The following GAS2L3 variants were observed in gnomAD, a reference collection of about 807,000 sequenced individuals.
GAS2L3 encodes GAS2-like protein 3.
In GAS2L3, 28 loss-of-function variants were observed where a neutral mutation model predicts 37.0. The ratio of observed to expected loss-of-function variants is 0.76; its 90% confidence interval spans 0.56 to 1.04. GAS2L3 has a LOEUF of 1.04. GAS2L3 is among the 50% of genes least tolerant of loss of function. The probability of loss-of-function intolerance (pLI) is 0.00; values close to 1 mark genes in which losing one functional copy is unlikely to be tolerated. For synonymous variants in GAS2L3, 290 were observed against 296.6 expected (o/e 0.98, Z 0.23); for missense variants, 793 against 817.6 (o/e 0.97, Z 0.37).
intron 1 of GAS2L3, among the ~76,000 whole-genome samples, chr12:100,590,672 C>A (rs2136420466): frequency 1.3e-5 from 2 of 152,258 alleles, no homozygotes; most frequent in East Asian, 3.9e-4. Context: ...CCCAAATACC[C>A]ATGAATAAAT....
rs750082441 is a variant in GAS2L3, at chr12:100,594,945, A to G, written c.18+23A>G. On this transcript the variant is annotated intron_variant, in intron 3 of 9. Transcript: ENST00000547754. ...CAAGTAAGTTTTTTTCTTGGAAACA[A>G]TATTTAAATTATGAGATTAATATAA... The G allele has an allele frequency of 3.5e-6, 4 of 1,147,950 alleles. No individual in the cohort carries two copies. In the East Asian group the frequency reaches 8.2e-5, roughly 23 times the overall value. 71.1% of individuals were successfully genotyped at this position (1,147,950 alleles called of 1,614,324 possible).
At position 100,626,606 on chromosome 12, in the gene GAS2L3, C is replaced by G. The variant is rs1233875807; in HGVS notation, c.*1716C>G. 6.6e-6 allele frequency: 1 copy of G among 152,088 alleles called. No individual in the cohort carries two copies. The highest frequency in any genetic ancestry group is 2.4e-5 in the African/African-American group (1 of 41,410). 9.4% of individuals were successfully genotyped at this position (152,088 alleles called of 1,614,324 possible). A position where few individuals can be genotyped will look rare whatever the true frequency, so the allele number is the denominator to read the frequency against. On this transcript the variant is annotated 3_prime_UTR_variant, in exon 10 of 10. Coordinates refer to ENST00000547754, the MANE Select transcript of GAS2L3 (RefSeq NM_174942.3). Reference sequence around the variant, plus strand: ...TATCATCAAGTATTCCCTTATAAAACCAAGTAACACTTCTTTATCAGTAAC... The same window carrying G: ...TATCATCAAGTATTCCCTTATAAAAGCAAGTAACACTTCTTTATCAGTAAC...
rs566132587 is a variant in GAS2L3 at position 100,579,685 on chromosome 12, GCATGGCGAT to G, written c.-152+5906_-152+5914del. 526 of 777,858 alleles carry G rather than the reference GCATGGCGAT, an allele frequency of 6.8e-4. 3 individuals carry two copies. In the African/African-American group the frequency reaches 7.9e-3, roughly 12 times the overall value. The allele number at this position is 777,858 out of a possible 1,614,324, so 48.2% of individuals were successfully genotyped here. On this transcript the variant is annotated intron_variant, in intron 1 of 9. Coordinates refer to ENST00000547754, the MANE Select transcript of GAS2L3 (RefSeq NM_174942.3). ...AATACCTCCCTTACTGAAGCATTCT[GCATGGCGAT>G]CATGGAAGCAGCCAGCTGTGGTTTA...
At position 100,627,112 on chromosome 12, in the gene GAS2L3, A is replaced by G. The variant is rs1212213984; in HGVS notation, c.*2222A>G. On this transcript the variant is annotated 3_prime_UTR_variant, in exon 10 of 10. Coordinates refer to ENST00000547754, the MANE Select transcript of GAS2L3 (RefSeq NM_174942.3). Reference sequence around the variant, plus strand: ...TCAAAAAAAAAAAAAAAGAAAAAGAAAAGAAAAAGGTTTATTTGAATAATT... The same window carrying G: ...TCAAAAAAAAAAAAAAAGAAAAAGAGAAGAAAAAGGTTTATTTGAATAATT... Among the ~76,000 whole-genome samples, 1 of 151,900 alleles carries G rather than the reference A, an allele frequency of 6.6e-6. No individual in the cohort carries two copies. Among genetic ancestry groups the G allele is most frequent in the Non-Finnish European group, 1.5e-5 (1 of 67,956 alleles).
chr12:100,617,776 T>C lies in GAS2L3; in HGVS notation c.478T>C (p.Cys160Arg). The change falls in exon 7 of 10, where the codon TGT becomes CGT. Residue 160 changes from cysteine to arginine, a missense_variant. Physicochemically the swap from Cys to Arg is radical, Grantham distance 180. Transcript: ENST00000547754. ...CAAAGATCCAAGACAGGTGTATCTT[T>C]GTCTTCTTGAAATTGGTCGAATTGT... ...LHKDPRQVYL[C>R]LLEIGRIVSR... 6.2e-7 allele frequency: 1 copy of C among 1,608,700 alleles called. No individual in the cohort carries two copies. The highest frequency in any genetic ancestry group is 1.1e-5 in the South Asian group (1 of 90,772).
chr12:100,620,160 G>A (rs1319102756), intron 8 of GAS2L3, among the ~76,000 whole-genome samples: 1 of 151,918 alleles, frequency 6.6e-6, no homozygotes, highest in Non-Finnish European at 1.5e-5. Flanking sequence ...ATTACATTAG[G>A]ACTTAGAATG....
chr12:100,583,100 A>G (rs944153550), intron 1 of GAS2L3, among the ~76,000 whole-genome samples: 1 of 152,262 alleles, frequency 6.6e-6, no homozygotes, highest in Admixed American at 6.5e-5. Context: ...AAGTCCATAG[A>G]GTAAAGCAAA....
chr12:100,618,679 A>G, intron 8 of GAS2L3, 92 bp downstream of exon 8: 1 of 1,129,802 alleles, frequency 8.9e-7, no homozygotes. Context: ...TGCTATTTTT[A>G]AAAGCAAGTG....
chr12:100,599,270 T>C (rs899864078), intron 3 of GAS2L3, among the ~76,000 whole-genome samples: 5 of 152,216 alleles, frequency 3.3e-5, no homozygotes, highest in African/African-American at 1.2e-4. Flanking sequence ...ATCTGAAGAA[T>C]TGATACAGCC....
chr12:100,590,942 A>AG (rs1046265866), intron 1 of GAS2L3, among the ~76,000 whole-genome samples: 2 of 150,228 alleles, frequency 1.3e-5, no homozygotes, highest in East Asian at 2.0e-4. Flanking sequence ...GAAGAGTGGG[A>AG]GGGGGGCAAG....
intron 1 of GAS2L3, among the ~76,000 whole-genome samples, chr12:100,588,992 C>T (rs1257014462): frequency 1.3e-5 from 2 of 152,038 alleles, no homozygotes; most frequent in Non-Finnish European, 2.9e-5. Context: ...ACATGTTTTA[C>T]AATCAATTTG....
chr12:100,599,213 T>C (rs1488732659), intron 3 of GAS2L3, among the ~76,000 whole-genome samples: 3 of 152,236 alleles, frequency 2.0e-5, no homozygotes, highest in African/African-American at 7.2e-5. Flanking sequence ...GATATTTATA[T>C]CTGTTTTAAA....
intron 2 of GAS2L3, among the ~76,000 whole-genome samples, chr12:100,592,960 CAA>C (rs1389567665): frequency 6.6e-6 from 1 of 151,830 alleles, no homozygotes; most frequent in Non-Finnish European, 1.5e-5. Flanking sequence ...TTATATGAAA[CAA>C]ATAGAGATTT....
intron 8 of GAS2L3, among the ~76,000 whole-genome samples, chr12:100,619,844 G>A (rs1428065709): frequency 1.3e-5 from 2 of 152,046 alleles, no homozygotes; most frequent in African/African-American, 4.8e-5. Context: ...AAAACTTGCA[G>A]TAAGTAAATG....
At chr12:100,596,580 A>G (rs924206238) in intron 3 of GAS2L3, among the ~76,000 whole-genome samples, 13 of 151,976 alleles carry the variant, frequency 8.6e-5, no homozygotes, top group African/African-American at 2.4e-4. Context: ...TGCCAATTAT[A>G]TTAGACAGTT....
chr12:100,586,984 G>T (rs1042372444), intron 1 of GAS2L3, among the ~76,000 whole-genome samples: 3 of 152,144 alleles, frequency 2.0e-5, no homozygotes, highest in Non-Finnish European at 4.4e-5. Flanking sequence ...AGAAGAGATG[G>T]ATACATTACT....
Position 100,625,565 on chromosome 12 carries a change from A to G in GAS2L3, c.*675A>G, listed in dbSNP as rs1956324105. The G allele has an allele frequency of 6.6e-6, 1 of 152,212 alleles. No homozygotes were observed. The highest frequency in any genetic ancestry group is 2.4e-5 in the African/African-American group (1 of 41,450). 9.4% of individuals were successfully genotyped at this position (152,212 alleles called of 1,614,324 possible). ...CAATATTTTTGGTTAAAAAAAATCC[A>G]ACAAATTAACTTACTGAAATATAAA... On this transcript the variant is annotated 3_prime_UTR_variant, in exon 10 of 10. Coordinates refer to ENST00000547754, the MANE Select transcript of GAS2L3 (RefSeq NM_174942.3).
At chr12:100,586,254 C>T (rs545050719) in intron 1 of GAS2L3, among the ~76,000 whole-genome samples, 1 of 152,290 alleles carries the variant, frequency 6.6e-6, no homozygotes, top group South Asian at 2.1e-4. Flanking sequence ...AACATTTCAT[C>T]CAACAACAGC....
chr12:100,597,607 G>A (rs2136451706), intron 3 of GAS2L3, among the ~76,000 whole-genome samples: 1 of 151,424 alleles, frequency 6.6e-6, no homozygotes, highest in African/African-American at 2.4e-5. Flanking sequence ...GTCTTTGATG[G>A]GGTTTTTAAA....
Sources: gnomAD v4.1 joint callset for allele counts (sites outside exome capture counted in the v4.1 genomes callset) on GRCh38, gnomAD v4.1.1 for gene constraint, MANE v1.5 for transcripts, NCBI Gene and HGNC (gene_info 2026-07-23, HGNC 2026-07-21) for gene names.